RGS6: variants seen among roughly 807,000 people sequenced by gnomAD.
RGS6 encodes regulator of G-protein signaling 6.
RGS6 carries 30 observed loss-of-function variants against 78.5 expected under a neutral mutation model. The ratio of observed to expected loss-of-function variants is 0.38; its 90% CI spans 0.29 to 0.52. The LOEUF (loss-of-function observed/expected upper bound fraction) is 0.52. Among genes scored for constraint, RGS6 ranks in the 20% least tolerant of loss-of-function variants. The pLI is 0.85. For synonymous variants in RGS6, 206 were observed against 206.0 expected, an observed-to-expected ratio of 1.00 and a Z score of 0.00; for missense variants, 495 against 609.7, an observed-to-expected ratio of 0.81 and a Z score of 1.98.
chr14:72,060,445 T>C (rs889773426), intron 2 of RGS6, among the ~76,000 whole-genome samples: 2 of 151,610 alleles, frequency 1.3e-5, no homozygotes, highest in African/African-American at 2.4e-5. Context: ...ACTGCAGATA[T>C]TCTATCTGCC....
intron 3 of RGS6, among the ~76,000 whole-genome samples, chr14:72,443,174 T>G (rs1052931460): frequency 3.3e-5 from 5 of 152,200 alleles, no homozygotes; most frequent in Non-Finnish European, 5.9e-5. Flanking sequence ...GGAGGGTAAG[T>G]GTCAGAGACT....
intron 2 of RGS6, among the ~76,000 whole-genome samples, chr14:72,341,638 G>T (rs1424919653): frequency 6.6e-6 from 1 of 152,198 alleles, no homozygotes; most frequent in African/African-American, 2.4e-5. Flanking sequence ...TGGGAGGAGT[G>T]GTGGTGCTGG....
intron 2 of RGS6, among the ~76,000 whole-genome samples, chr14:72,186,642 C>T (rs1019606951): frequency 4.6e-5 from 7 of 151,984 alleles, no homozygotes; most frequent in African/African-American, 1.5e-4. Context: ...AACCCTCCTG[C>T]TCTGCCTGCC....
At chr14:72,585,847 T>C in the RGS6 span, among the ~76,000 whole-genome samples, 2 of 152,302 alleles carry the variant, frequency 1.3e-5, no homozygotes, top group East Asian at 3.9e-4. Context: ...TCCTGTTCTC[T>C]CCTTCCAATA....
chr14:72,291,178 G>A (rs1337353495), intron 2 of RGS6, among the ~76,000 whole-genome samples: 1 of 151,874 alleles, frequency 6.6e-6, no homozygotes, highest in Non-Finnish European at 1.5e-5. Context: ...TGGCATTCAA[G>A]CTCCTTGGTG....
chr14:72,581,518 T>C, the RGS6 span, among the ~76,000 whole-genome samples: 1 of 152,198 alleles, frequency 6.6e-6, no homozygotes, highest in East Asian at 1.9e-4. Context: ...GGTCTGATCC[T>C]GTAATGCCTC....
intron 2 of RGS6, among the ~76,000 whole-genome samples, chr14:72,309,088 G>C (rs1325312918): frequency 6.6e-6 from 1 of 152,134 alleles, no homozygotes; most frequent in Non-Finnish European, 1.5e-5. Context: ...TGTATATTGT[G>C]TTATGTGTTC....
At chr14:72,349,403 A>G (rs2078695220) in intron 2 of RGS6, among the ~76,000 whole-genome samples, 1 of 152,142 alleles carries the variant, frequency 6.6e-6, no homozygotes. Context: ...TATCACATTC[A>G]ATAACACCCC....
At chr14:72,029,706 CAA>C (rs1286053257) in intron 2 of RGS6, among the ~76,000 whole-genome samples, 1 of 152,032 alleles carries the variant, frequency 6.6e-6, no homozygotes, top group African/African-American at 2.4e-5. Flanking sequence ...CTGCATGTGA[CAA>C]GAAGCATTTT....
At chr14:72,351,280 C>G (rs1280811340) in intron 2 of RGS6, among the ~76,000 whole-genome samples, 1 of 152,176 alleles carries the variant, frequency 6.6e-6, no homozygotes, top group Non-Finnish European at 1.5e-5. Flanking sequence ...GTATCCTGTT[C>G]TGAAGATTTC....
chr14:72,448,532 A>T (rs1490416289), intron 3 of RGS6, among the ~76,000 whole-genome samples: 2 of 152,100 alleles, frequency 1.3e-5, no homozygotes, highest in East Asian at 3.9e-4. Flanking sequence ...GACGGTAAAG[A>T]TTGTCCTACT....
the RGS6 span, among the ~76,000 whole-genome samples, chr14:72,608,928 A>C: frequency 2.6e-5 from 4 of 152,030 alleles, no homozygotes; most frequent in Non-Finnish European, 5.9e-5. Flanking sequence ...CTCTTACACA[A>C]TGCAGTCCTA....
chr14:72,423,197 A>T (rs934803223), intron 3 of RGS6, among the ~76,000 whole-genome samples: 18 of 152,226 alleles, frequency 1.2e-4, no homozygotes, highest in African/African-American at 4.1e-4. Flanking sequence ...TTTTTAGAGA[A>T]CATGGGTGCC....
At chr14:72,209,999 C>T (rs1459794574) in intron 2 of RGS6, among the ~76,000 whole-genome samples, 1 of 152,160 alleles carries the variant, frequency 6.6e-6, no homozygotes, top group African/African-American at 2.4e-5. Context: ...ATTTAGAGAG[C>T]ACCCTTTTAT....
At chr14:72,305,149 C>T (rs770600962) in intron 2 of RGS6, among the ~76,000 whole-genome samples, 12 of 152,244 alleles carry the variant, frequency 7.9e-5, no homozygotes, top group African/African-American at 1.2e-4. Flanking sequence ...CTTATTGACT[C>T]GAGGAAGCTT....
intron 2 of RGS6, among the ~76,000 whole-genome samples, chr14:71,977,910 C>G (rs886450185): frequency 4.6e-5 from 7 of 151,822 alleles, no homozygotes; most frequent in Admixed American, 3.3e-4. Context: ...GAATGTTCTT[C>G]CATTTGTTTG....
intron 3 of RGS6, among the ~76,000 whole-genome samples, chr14:72,414,714 T>A (rs968550511): frequency 6.6e-6 from 1 of 152,156 alleles, no homozygotes; most frequent in Non-Finnish European, 1.5e-5. Context: ...TGGTCTTTGA[T>A]GATGGTGATG....
chr14:72,342,340 C>G (rs543709993), intron 2 of RGS6, among the ~76,000 whole-genome samples: 2 of 152,044 alleles, frequency 1.3e-5, no homozygotes, highest in East Asian at 1.9e-4. Flanking sequence ...CCAAGGCAGG[C>G]AGATCACTTG....
chr14:72,276,216 C>G (rs2060641859), intron 2 of RGS6, among the ~76,000 whole-genome samples: 1 of 152,100 alleles, frequency 6.6e-6, no homozygotes, highest in South Asian at 2.1e-4. Context: ...ATACCTTACT[C>G]CCATACACTG....
Sources: gnomAD v4.1 joint callset for allele counts (sites outside exome capture counted in the v4.1 genomes callset) on GRCh38, gnomAD v4.1.1 for gene constraint, MANE v1.5 for transcripts, NCBI Gene and HGNC (gene_info 2026-07-23, HGNC 2026-07-21) for gene names.